Variants in TRIM24 observed in about 807,000 individuals in gnomAD.
TRIM24 encodes the protein tripartite motif containing 24.
Under a neutral mutation model 123.9 loss-of-function variants are expected in TRIM24, and 29 were observed. That is an observed-to-expected ratio of 0.23 (90% confidence interval 0.17 to 0.32). TRIM24 has a LOEUF of 0.32. TRIM24 is among the 10% of genes least tolerant of loss of function. The probability of loss-of-function intolerance (pLI) is 1.00; values close to 1 mark genes in which losing one functional copy is unlikely to be tolerated. For missense variants in TRIM24, 932 were observed against 1,295.3 expected, an observed-to-expected ratio of 0.72 and a Z score of 4.31; for synonymous variants, 456 against 461.1, an observed-to-expected ratio of 0.99 and a Z score of 0.14.
intron 9 of TRIM24, among the ~76,000 whole-genome samples, chr7:138,560,760 T>C (rs1474507439): frequency 2.0e-5 from 3 of 152,236 alleles, no homozygotes; most frequent in African/African-American, 7.2e-5. Flanking sequence ...CGTTCTTCAA[T>C]GTAATGTCCA....
chr7:138,468,245 A>G (rs749658877), intron 1 of TRIM24, among the ~76,000 whole-genome samples: 3 of 152,162 alleles, frequency 2.0e-5, no homozygotes, highest in African/African-American at 4.8e-5. Context: ...TCCTGTGTCT[A>G]TTGAAATGGT....
intron 1 of TRIM24, among the ~76,000 whole-genome samples, chr7:138,462,865 T>C (rs1018200265): frequency 2.6e-5 from 4 of 151,232 alleles, no homozygotes; most frequent in Admixed American, 2.6e-4. Context: ...TTCTTATTTA[T>C]TTATTTATTT....
At chr7:138,464,665 TACAC>T (rs1004426980) in intron 1 of TRIM24, among the ~76,000 whole-genome samples, 8 of 152,116 alleles carry the variant, frequency 5.3e-5, no homozygotes, top group East Asian at 1.9e-4. Flanking sequence ...TAAATATATA[TACAC>T]ACACACAATT....
At chr7:138,530,113 AG>A (rs957726276) in intron 6 of TRIM24, among the ~76,000 whole-genome samples, 3 of 152,176 alleles carry the variant, frequency 2.0e-5, no homozygotes, top group African/African-American at 7.2e-5. Flanking sequence ...CAGGAAACAA[AG>A]ACTAAAATAA....
chr7:138,580,778 C>T, intron 16 of TRIM24, 84 bp downstream of exon 16: 6 of 1,291,156 alleles, frequency 4.6e-6, no homozygotes, highest in Non-Finnish European at 6.2e-6. Context: ...TATATCCATC[C>T]AGATTTTATA....
intron 9 of TRIM24, 38 bp from the exon 10 acceptor site, chr7:138,567,443 A>C: frequency 6.4e-7 from 1 of 1,566,292 alleles, no homozygotes; most frequent in Non-Finnish European, 8.6e-7. Context: ...TTTTCAGAAG[A>C]AGATTGTTAC....
intron 9 of TRIM24, among the ~76,000 whole-genome samples, chr7:138,561,320 G>A (rs1253952164): frequency 6.6e-6 from 1 of 152,148 alleles, no homozygotes; most frequent in Non-Finnish European, 1.5e-5. Context: ...AGGGGTTGGT[G>A]TGTAAGATCT....
chr7:138,464,536 G>A (rs181798388), intron 1 of TRIM24, among the ~76,000 whole-genome samples: 5 of 152,078 alleles, frequency 3.3e-5, no homozygotes, highest in Admixed American at 3.3e-4. Flanking sequence ...TGAGTGCAGG[G>A]CAAGTATTGA....
At chr7:138,553,949 G>T (rs1797263830) in intron 8 of TRIM24, among the ~76,000 whole-genome samples, 1 of 152,180 alleles carries the variant, frequency 6.6e-6, no homozygotes, top group Admixed American at 6.5e-5. Flanking sequence ...CAGTCCAGTG[G>T]AAGTGGGCTG....
intron 1 of TRIM24, among the ~76,000 whole-genome samples, chr7:138,483,449 A>T (rs2883143): frequency 0.98 from 148,863 of 152,344 alleles, 72,760 homozygotes; most frequent in East Asian, 1. Context: ...AGCCAGTGGA[A>T]ATTTATCTTG....
At chr7:138,502,602 C>T (rs1203197213) in intron 1 of TRIM24, among the ~76,000 whole-genome samples, 1 of 152,154 alleles carries the variant, frequency 6.6e-6, no homozygotes, top group African/African-American at 2.4e-5. Context: ...AGTCGTAGCA[C>T]CCAGTTTCCT....
In TRIM24 at chr7:138,462,338, C is replaced by CTT. The variant is rs34920255; in HGVS notation, c.364+1445_364+1446dup. On this transcript the variant is annotated intron_variant, in intron 1 of 18. Coordinates refer to ENST00000343526, the MANE Select transcript of TRIM24 (RefSeq NM_015905.3). ...GAGTTCTGAGAACTAGTGCAAAAATCTTTTTTTTTTTTTTTTTTTTGAGAC... is the reference window on the plus strand; with the variant it reads ...GAGTTCTGAGAACTAGTGCAAAAATCTTTTTTTTTTTTTTTTTTTTTTGAGAC... Among the ~76,000 whole-genome samples, 917 of 124,340 alleles carry CTT rather than the reference C, an allele frequency of 7.4e-3. 13 individuals carry two copies. The highest frequency in any genetic ancestry group is 0.034 in the South Asian group (124 of 3,692). The allele number at this position is 124,340 out of a possible 152,430, so 81.6% of individuals were successfully genotyped here.
At chr7:138,463,253 G>C (rs543742472) in intron 1 of TRIM24, among the ~76,000 whole-genome samples, 1 of 150,268 alleles carries the variant, frequency 6.7e-6, no homozygotes, top group Non-Finnish European at 1.5e-5. Flanking sequence ...TCTTTCCTGC[G>C]TTCTTACCTT....
At chr7:138,481,260 T>C (rs1191873900) in intron 1 of TRIM24, among the ~76,000 whole-genome samples, 1 of 141,070 alleles carries the variant, frequency 7.1e-6, no homozygotes, top group Non-Finnish European at 1.6e-5. Flanking sequence ...CAAGTTATTA[T>C]TTTTTTTATG....
chr7:138,555,234 A>G (rs891761556), intron 9 of TRIM24, among the ~76,000 whole-genome samples: 1 of 152,046 alleles, frequency 6.6e-6, no homozygotes, highest in Non-Finnish European at 1.5e-5. Context: ...TTCCTAAATA[A>G]CCCAGGCCTG....
At position 138,589,974 on chromosome 7, in the gene TRIM24, A is replaced by C. The variant is rs1023030257; in HGVS notation, c.*5023A>C. The C allele has an allele frequency of 6.6e-6, 1 of 152,210 alleles. No individual in the cohort carries two copies. The highest frequency in any genetic ancestry group is 2.4e-5 in the African/African-American group (1 of 41,462). 9.4% of individuals were successfully genotyped at this position (152,210 alleles called of 1,614,324 possible). Reference sequence around the variant, plus strand: ...GTTAGTTGCAAGTTAAACATTTAATAAAATTATTTTCCCACGTTTTCACAT... The same window carrying C: ...GTTAGTTGCAAGTTAAACATTTAATCAAATTATTTTCCCACGTTTTCACAT... On this transcript the variant is annotated 3_prime_UTR_variant, in exon 19 of 19. Coordinates refer to ENST00000343526, the MANE Select transcript of TRIM24 (RefSeq NM_015905.3).
In TRIM24 at chr7:138,551,055, T is replaced by C; in HGVS notation, c.1144-8T>C. 2 of 1,610,700 alleles carry C rather than the reference T, an allele frequency of 1.2e-6. No individual in the cohort carries two copies. Among genetic ancestry groups the C allele is most frequent in the Non-Finnish European group, 8.5e-7 (1 of 1,177,582 alleles). On this transcript the variant is annotated splice_polypyrimidine_tract_variant and splice_region_variant and intron_variant, in intron 7 of 18. Coordinates refer to ENST00000343526, the MANE Select transcript of TRIM24 (RefSeq NM_015905.3). ...CTAATATTTAGTTATCTCTCCTTTT[T>C]CTTCTAGATTACATACCGGTTACGG...
At chr7:138,477,321 A>G (rs1362371375) in intron 1 of TRIM24, among the ~76,000 whole-genome samples, 1 of 152,200 alleles carries the variant, frequency 6.6e-6, no homozygotes, top group East Asian at 1.9e-4. Context: ...CTCCACCTCA[A>G]AAAACAAACA....
chr7:138,503,769 T>G (rs1330938503), intron 1 of TRIM24, among the ~76,000 whole-genome samples: 2 of 152,222 alleles, frequency 1.3e-5, no homozygotes, highest in Non-Finnish European at 2.9e-5. Flanking sequence ...TTTGTTATTT[T>G]TATTTATTGT....
Sources: gnomAD v4.1 joint callset for allele counts (sites outside exome capture counted in the v4.1 genomes callset) on GRCh38, gnomAD v4.1.1 for gene constraint, MANE v1.5 for transcripts, NCBI Gene and HGNC (gene_info 2026-07-23, HGNC 2026-07-21) for gene names.